ARB2A: variants seen among roughly 807,000 people sequenced by gnomAD.
The protein encoded by ARB2A is cotranscriptional regulator ARB2A.
the ARB2A span, among the ~76,000 whole-genome samples, chr5:93,713,230 A>G: frequency 6.6e-6 from 1 of 152,158 alleles, no homozygotes; most frequent in Non-Finnish European, 1.5e-5. Flanking sequence ...TTTAAAAGAC[A>G]TTGCACAGAT....
At chr5:93,843,835 T>A in the ARB2A span, among the ~76,000 whole-genome samples, 1 of 151,692 alleles carries the variant, frequency 6.6e-6, no homozygotes, top group African/African-American at 2.4e-5. Context: ...AGATCCATCA[T>A]CCAAAAAGCA....
At chr5:93,946,225 T>C in the ARB2A span, among the ~76,000 whole-genome samples, 1 of 151,868 alleles carries the variant, frequency 6.6e-6, no homozygotes, top group Non-Finnish European at 1.5e-5. Context: ...GACATTGATA[T>C]TGAAGACAAG....
chr5:93,963,405 T>C, the ARB2A span, among the ~76,000 whole-genome samples: 1 of 152,018 alleles, frequency 6.6e-6, no homozygotes, highest in African/African-American at 2.4e-5. Flanking sequence ...CTTGGACCAG[T>C]GTCCATCACC....
chr5:94,008,193 C>T, the ARB2A span, among the ~76,000 whole-genome samples: 15 of 152,084 alleles, frequency 9.9e-5, no homozygotes, highest in African/African-American at 3.6e-4. Flanking sequence ...TATAAAGAAC[C>T]TAACTTTAGA....
chr5:93,975,855 G>A, the ARB2A span, among the ~76,000 whole-genome samples: 1 of 151,882 alleles, frequency 6.6e-6, no homozygotes, highest in Non-Finnish European at 1.5e-5. Flanking sequence ...TACTAGATAC[G>A]CAAAGAGCTA....
At chr5:93,688,298 T>C in the ARB2A span, among the ~76,000 whole-genome samples, 1 of 152,204 alleles carries the variant, frequency 6.6e-6, no homozygotes, top group Non-Finnish European at 1.5e-5. Flanking sequence ...CACTACCAAA[T>C]CTGAAGACCT....
chr5:94,061,154 T>C, the ARB2A span, among the ~76,000 whole-genome samples: 1 of 151,632 alleles, frequency 6.6e-6, no homozygotes, highest in African/African-American at 2.4e-5. Context: ...AGGAGAACGG[T>C]GTGAACCCGG....
the ARB2A span, among the ~76,000 whole-genome samples, chr5:93,802,220 T>A: frequency 2.0e-5 from 3 of 152,074 alleles, no homozygotes; most frequent in Non-Finnish European, 2.9e-5. Flanking sequence ...AAATTAGGTA[T>A]CTAGAGAGTG....
At chr5:93,833,228 A>AGGC in the ARB2A span, among the ~76,000 whole-genome samples, 2 of 152,240 alleles carry the variant, frequency 1.3e-5, no homozygotes, top group Admixed American at 6.5e-5. Context: ...GGCATGCTAC[A>AGGC]GGCATTCAAC....
the ARB2A span, among the ~76,000 whole-genome samples, chr5:94,053,575 T>C: frequency 6.6e-6 from 1 of 152,182 alleles, no homozygotes; most frequent in Non-Finnish European, 1.5e-5. Flanking sequence ...TCAAATCTTA[T>C]ATATAACTGA....
At chr5:93,653,358 A>T in the ARB2A span, among the ~76,000 whole-genome samples, 3 of 151,436 alleles carry the variant, frequency 2.0e-5, no homozygotes, top group East Asian at 5.8e-4. Context: ...AATACAAAAA[A>T]AAAATTAGCT....
At chr5:94,089,185 A>T in the ARB2A span, among the ~76,000 whole-genome samples, 1 of 152,188 alleles carries the variant, frequency 6.6e-6, no homozygotes, top group Admixed American at 6.5e-5. Flanking sequence ...TGTTTAAGTG[A>T]CAAATGCTGA....
chr5:93,876,857 G>C, the ARB2A span, among the ~76,000 whole-genome samples: 2 of 151,882 alleles, frequency 1.3e-5, no homozygotes, highest in East Asian at 3.8e-4. Context: ...TTTTTGGAAA[G>C]AAAGCTTTAG....
the ARB2A span, among the ~76,000 whole-genome samples, chr5:93,925,306 TAAG>T: frequency 6.6e-6 from 1 of 152,182 alleles, no homozygotes; most frequent in Non-Finnish European, 1.5e-5. Context: ...CTATGATAGT[TAAG>T]AAACTGTCTT....
the ARB2A span, among the ~76,000 whole-genome samples, chr5:93,935,798 C>T: frequency 5.6e-4 from 85 of 152,238 alleles, no homozygotes; most frequent in African/African-American, 1.9e-3. Context: ...TCAAAGACAA[C>T]AGAATCTGAG....
At chr5:94,101,970 GA>G in the ARB2A span, among the ~76,000 whole-genome samples, 88 of 142,554 alleles carry the variant, frequency 6.2e-4, no homozygotes, top group African/African-American at 2.1e-3. Flanking sequence ...GAATAACCAG[GA>G]AAAAAAAAAG....
chr5:93,780,756 C>T, the ARB2A span, among the ~76,000 whole-genome samples: 2 of 151,916 alleles, frequency 1.3e-5, no homozygotes, highest in African/African-American at 4.8e-5. Context: ...GACGAGGTTT[C>T]ACCATGTTGT....
chr5:94,109,131 C>CA, the ARB2A span, among the ~76,000 whole-genome samples: 1 of 152,190 alleles, frequency 6.6e-6, no homozygotes. Context: ...CACGCTACAA[C>CA]ATGGACGAAC....
At chr5:94,038,510 A>C in the ARB2A span, among the ~76,000 whole-genome samples, 1 of 152,102 alleles carries the variant, frequency 6.6e-6, no homozygotes, top group South Asian at 2.1e-4. Context: ...TATTAGCAAA[A>C]GCATTTGTTT....
Sources: allele counts gnomAD v4.1 joint callset (sites outside exome capture counted in the v4.1 genomes callset), GRCh38; gene constraint gnomAD v4.1.1; transcripts MANE v1.5; gene names NCBI Gene and HGNC (gene_info 2026-07-23, HGNC 2026-07-21).